The following PTPRN2 variants were observed in gnomAD, a reference collection of about 807,000 sequenced individuals.
PTPRN2 encodes the protein receptor-type tyrosine-protein phosphatase N2.
A neutral mutation model predicts 118.8 loss-of-function variants in PTPRN2; 74 were observed. That is an observed-to-expected ratio of 0.62 (90% confidence interval 0.52 to 0.76). The LOEUF (loss-of-function observed/expected upper bound fraction) is 0.76, where lower values mean the gene tolerates loss of function less well. Among genes scored for constraint, PTPRN2 ranks in the 30% least tolerant of loss-of-function variants. The probability of loss-of-function intolerance (pLI) is 0.00; values close to 1 mark genes in which losing one functional copy is unlikely to be tolerated. For missense variants in PTPRN2, 1,481 were observed against 1,394.4 expected (o/e 1.06, Z -0.99); for synonymous variants, 641 against 608.0 (o/e 1.05, Z -0.80).
At chr7:158,118,594 C>G (rs966853218) in intron 9 of PTPRN2, among the ~76,000 whole-genome samples, 5 of 152,138 alleles carry the variant, frequency 3.3e-5, no homozygotes, top group African/African-American at 1.2e-4. Context: ...AATCAAAAGA[C>G]AGAGATTAGC....
intron 3 of PTPRN2, among the ~76,000 whole-genome samples, chr7:158,286,237 C>T (rs1181089275): frequency 6.6e-6 from 1 of 152,214 alleles, no homozygotes; most frequent in Non-Finnish European, 1.5e-5. Context: ...TTTATTAGCT[C>T]TAACAGTGTT....
rs1796440326 is a variant in PTPRN2 at position 157,671,997 on chromosome 7, T to C, written c.2001+10728A>G. Among the ~76,000 whole-genome samples, 1 of 151,918 alleles carries C rather than the reference T, an allele frequency of 6.6e-6. No individual in the cohort carries two copies. The highest frequency in any genetic ancestry group is 1.5e-5 in the Non-Finnish European group (1 of 67,982). On this transcript the variant is annotated intron_variant, in intron 13 of 22. Transcript: ENST00000389418. The surrounding 1 kb of genome is among the most constrained non-coding windows in gnomAD (Gnocchi z 4.1). ...TGGAGGAAAACCCGTGAGCGAGTCG[T>C]GGAGGGAGTGTGAGGGTTTTTGGGG...
chr7:157,697,463 T>C (rs1299914524), intron 12 of PTPRN2, among the ~76,000 whole-genome samples: 20 of 86,502 alleles, frequency 2.3e-4, no homozygotes, highest in South Asian at 5.6e-4. Context: ...TGGGTCTTAG[T>C]AGAGCCCTCA....
At chr7:158,127,280 C>CTGTGCCCTGCGTCCTCCTCTGCG (rs1178041659) in intron 9 of PTPRN2, among the ~76,000 whole-genome samples, 11 of 150,634 alleles carry the variant, frequency 7.3e-5, no homozygotes, top group Non-Finnish European at 1.0e-4. Context: ...ATCCGTGCAC[C>CTGTGCCCTGCGTCCTCCTCTGCG]TGTGCCCTGC....
intron 3 of PTPRN2, among the ~76,000 whole-genome samples, chr7:158,234,237 C>T (rs1307274693): frequency 6.6e-6 from 1 of 151,352 alleles, no homozygotes; most frequent in Non-Finnish European, 1.5e-5. Context: ...GGATTAATAA[C>T]CAGAATATAT....
intron 12 of PTPRN2, among the ~76,000 whole-genome samples, chr7:157,809,970 G>A (rs968479482): frequency 6.6e-6 from 1 of 152,216 alleles, no homozygotes; most frequent in Admixed American, 6.5e-5. Flanking sequence ...CCAGGCTGAT[G>A]GCAGAGGGTG....
At position 157,619,705 on chromosome 7, in the gene PTPRN2, G is replaced by A. The variant is rs1206843240; in HGVS notation, c.2344+1657C>T. On this transcript the variant is annotated intron_variant, in intron 15 of 22. Coordinates refer to ENST00000389418, the MANE Select transcript of PTPRN2 (RefSeq NM_002847.5). The surrounding 1 kb of genome is among the most constrained non-coding windows in gnomAD (Gnocchi z 5.3). ...AGCTGGGTGAATGGGATTTTACACA[G>A]GTCTGCAGTGCCCCAGGTTAGTTTC... Among the ~76,000 whole-genome samples, 3 of 152,196 alleles carry A rather than the reference G, an allele frequency of 2.0e-5. No individual in the cohort carries two copies. The highest frequency in any genetic ancestry group is 4.4e-5 in the Non-Finnish European group (3 of 68,042).
At chr7:158,373,147 G>A (rs7778791) in intron 2 of PTPRN2, among the ~76,000 whole-genome samples, 148,347 of 152,316 alleles carry the variant, frequency 0.97, 72,254 homozygotes, top group East Asian at 1. Flanking sequence ...GTAAAGGAGC[G>A]TTAACATCGG....
intron 1 of PTPRN2, among the ~76,000 whole-genome samples, chr7:158,582,871 T>C (rs55768926): frequency 0.21 from 31,777 of 150,692 alleles, 3,814 homozygotes; most frequent in South Asian, 0.4. Context: ...ATCTTAGATA[T>C]CTGTCACCCA....
At chr7:158,363,879 C>T (rs1345731610) in intron 2 of PTPRN2, among the ~76,000 whole-genome samples, 11 of 152,242 alleles carry the variant, frequency 7.2e-5, no homozygotes, top group African/African-American at 2.6e-4. Flanking sequence ...GTGTTGATCA[C>T]AGTGGACTAG....
Position 157,980,337 on chromosome 7 carries a change from T to G in PTPRN2, c.1724-81600A>C, listed in dbSNP as rs1226425130. Among the ~76,000 whole-genome samples, 3 of 152,228 alleles carry G rather than the reference T, an allele frequency of 2.0e-5. No individual in the cohort carries two copies. In the East Asian group the frequency reaches 5.8e-4, roughly 29 times the overall value. On this transcript the variant is annotated intron_variant, in intron 11 of 22. Coordinates refer to ENST00000389418, the MANE Select transcript of PTPRN2 (RefSeq NM_002847.5). ...TTATGTCAACTTACAGGGAAGAACA[T>G]TCTCCAAATATCTTAGAAATTCAGT... is the stretch of plus-strand genomic sequence containing the variant.
At chr7:157,862,315 A>T (rs1378195741) in intron 12 of PTPRN2, among the ~76,000 whole-genome samples, 2 of 152,256 alleles carry the variant, frequency 1.3e-5, no homozygotes, top group African/African-American at 4.8e-5. Flanking sequence ...AGCCTATAGC[A>T]TTAGCTCATG....
chr7:158,342,737 G>T (rs948369103), intron 2 of PTPRN2, among the ~76,000 whole-genome samples: 4 of 152,118 alleles, frequency 2.6e-5, no homozygotes, highest in African/African-American at 9.7e-5. Context: ...TGGGTGCCTT[G>T]CTGGAGCCCA....
intron 17 of PTPRN2, among the ~76,000 whole-genome samples, chr7:157,593,747 C>T (rs1391200954): frequency 2.0e-5 from 3 of 152,076 alleles, no homozygotes; most frequent in African/African-American, 4.8e-5. Context: ...CCACGAAACT[C>T]CTGAGACGAT....
chr7:158,151,092 A>C (rs73745158), intron 6 of PTPRN2, among the ~76,000 whole-genome samples: 35,347 of 47,670 alleles, frequency 0.74, 13,145 homozygotes, highest in East Asian at 0.82. Context: ...TGCCTGCCCA[A>C]ACCGCCCGCC....
intron 10 of PTPRN2, among the ~76,000 whole-genome samples, chr7:158,091,744 AAGAT>A (rs1482293300): frequency 8.5e-6 from 1 of 117,882 alleles, no homozygotes; most frequent in African/African-American, 3.4e-5. Flanking sequence ...GGGTGGGTGA[AAGAT>A]AGGTGATGGA....
intron 10 of PTPRN2, among the ~76,000 whole-genome samples, chr7:158,105,690 C>A (rs1176006453): frequency 1.3e-5 from 2 of 152,020 alleles, no homozygotes; most frequent in Admixed American, 1.3e-4. Context: ...CACCTCCATC[C>A]CAGCTCCACC....
chr7:158,119,614 G>GGAGAGA (rs56827191), intron 9 of PTPRN2, among the ~76,000 whole-genome samples: 3 of 147,092 alleles, frequency 2.0e-5, no homozygotes, highest in Non-Finnish European at 4.5e-5. Flanking sequence ...TTTGAAAGAG[G>GGAGAGA]GAGAGAGAGA....
chr7:158,293,959 G>C (rs1171220730), intron 3 of PTPRN2, among the ~76,000 whole-genome samples: 1 of 152,174 alleles, frequency 6.6e-6, no homozygotes, highest in Non-Finnish European at 1.5e-5. Context: ...GAGTCTGTGT[G>C]AGTGTTAGTT....
Sources: allele counts gnomAD v4.1 joint callset (sites outside exome capture counted in the v4.1 genomes callset), GRCh38; gene constraint gnomAD v4.1.1; non-coding constraint Gnocchi (gnomAD v3.1); transcripts MANE v1.5; gene names NCBI Gene and HGNC (gene_info 2026-07-23, HGNC 2026-07-21).